SHISA9: variants seen among roughly 807,000 people sequenced by gnomAD.
SHISA9 encodes protein shisa-9.
In SHISA9, 13 loss-of-function variants were observed where a neutral mutation model predicts 38.0. The ratio of observed to expected loss-of-function variants is 0.34; its 90% CI spans 0.22 to 0.54. The LOEUF is 0.54. Among genes scored for constraint, SHISA9 ranks in the 20% least tolerant of loss-of-function variants. The pLI is 0.91. For missense variants in SHISA9, 538 were observed against 575.8 expected, an observed-to-expected ratio of 0.93 and a Z score of 0.67; for synonymous variants, 275 against 242.0, an observed-to-expected ratio of 1.14 and a Z score of -1.27.
chr16:12,907,824 A>G (rs904977717), intron 1 of SHISA9, among the ~76,000 whole-genome samples: 3 of 152,168 alleles, frequency 2.0e-5, no homozygotes, highest in Non-Finnish European at 4.4e-5. Flanking sequence ...CTGCATTTTC[A>G]CGCAGCAGCT....
At chr16:13,138,673 G>C (rs146434763) in intron 2 of SHISA9, among the ~76,000 whole-genome samples, 1,902 of 152,314 alleles carry the variant, frequency 0.012, 23 homozygotes, top group South Asian at 0.024. Flanking sequence ...CTCACAAGGG[G>C]AGTCTTTGAG....
At chr16:13,104,440 AAC>A (rs933037289) in intron 2 of SHISA9, among the ~76,000 whole-genome samples, 3 of 152,218 alleles carry the variant, frequency 2.0e-5, no homozygotes, top group African/African-American at 7.2e-5. Flanking sequence ...CCAAAGTGGA[AAC>A]ACTCCAAATG....
chr16:13,254,663 C>A, the SHISA9 span, among the ~76,000 whole-genome samples: 1 of 152,250 alleles, frequency 6.6e-6, no homozygotes, highest in African/African-American at 2.4e-5. Flanking sequence ...CTAATCACCT[C>A]CCCCAGAACC....
intron 2 of SHISA9, among the ~76,000 whole-genome samples, chr16:13,126,729 AAG>A (rs1367778529): frequency 6.0e-5 from 8 of 134,112 alleles, no homozygotes; most frequent in East Asian, 2.5e-4. Flanking sequence ...GAGAGAAGGA[AAG>A]AGAGAGTGAC....
chr16:13,173,647 C>G (rs2050707907), intron 2 of SHISA9, among the ~76,000 whole-genome samples: 1 of 152,106 alleles, frequency 6.6e-6, no homozygotes, highest in South Asian at 2.1e-4. Flanking sequence ...CAGGGATGTG[C>G]TAAGCTCCTG....
chr16:13,179,098 C>T (rs2050756212), intron 2 of SHISA9, among the ~76,000 whole-genome samples: 1 of 152,092 alleles, frequency 6.6e-6, no homozygotes, highest in African/African-American at 2.4e-5. Flanking sequence ...ACGTGGGCAG[C>T]TGATTTGAGG....
chr16:13,232,856 A>G (rs2051345136), intron 4 of SHISA9, among the ~76,000 whole-genome samples: 1 of 152,218 alleles, frequency 6.6e-6, no homozygotes. Flanking sequence ...GGCAGCCCTT[A>G]GAGACAATAG....
rs181199994 is a variant in SHISA9 at position 13,003,178 on chromosome 16, G to C, written c.691+86363G>C. Among the ~76,000 whole-genome samples the C allele has an allele frequency of 3.9e-5, 6 of 152,298 alleles. No homozygotes were observed. In the East Asian group the frequency reaches 1.2e-3, roughly 29 times the overall value. The stretch of plus-strand genomic sequence containing the variant: ...AGGAGGATTGGTGCAAAATGATCTA[G>C]AGCAGTAGGCAAGGGTCAAACCCTG... On this transcript the variant is annotated intron_variant, in intron 2 of 4. Transcript: ENST00000558583.
chr16:13,302,549 T>C, the SHISA9 span, among the ~76,000 whole-genome samples: 1 of 152,184 alleles, frequency 6.6e-6, no homozygotes, highest in East Asian at 1.9e-4. Context: ...ACTCTCTCCA[T>C]GAACTAAACC....
At chr16:13,148,480 ACT>A (rs1224150929) in intron 2 of SHISA9, among the ~76,000 whole-genome samples, 3 of 151,664 alleles carry the variant, frequency 2.0e-5, no homozygotes, top group African/African-American at 7.3e-5. Flanking sequence ...TATACCTCAC[ACT>A]CACCTACCCA....
At chr16:13,428,295 G>A in the SHISA9 span, among the ~76,000 whole-genome samples, 2 of 151,008 alleles carry the variant, frequency 1.3e-5, no homozygotes, top group Admixed American at 1.3e-4. Context: ...AACAAAGAAA[G>A]AGAGAGAGAG....
Position 12,973,222 on chromosome 16 carries a change from A to G in SHISA9, c.691+56407A>G, listed in dbSNP as rs117941731. Among the ~76,000 whole-genome samples, 919 of 152,352 alleles carry G rather than the reference A, an allele frequency of 6.0e-3. 8 individuals carry two copies. The highest frequency in any genetic ancestry group is 0.034 in the Middle Eastern group (10 of 294). ...CTTTCCCTGAGGAGCCTGGCAGCTG[A>G]ATCCCATATTCACAGAAAGTTTTCC... On this transcript the variant is annotated intron_variant, in intron 2 of 4. Coordinates refer to ENST00000558583, the MANE Select transcript of SHISA9 (RefSeq NM_001145204.3).
At chr16:13,487,800 G>A in the SHISA9 span, among the ~76,000 whole-genome samples, 3 of 151,918 alleles carry the variant, frequency 2.0e-5, no homozygotes, top group African/African-American at 7.3e-5. Flanking sequence ...CCGGATATTT[G>A]CTACTGTGGT....
the SHISA9 span, among the ~76,000 whole-genome samples, chr16:13,250,376 G>A: frequency 1.1e-3 from 160 of 152,198 alleles, 2 homozygotes; most frequent in Non-Finnish European, 1.4e-3. Context: ...AATTGCATTG[G>A]GGGGAGAGGG....
chr16:12,977,464 G>C (rs2072178706), intron 2 of SHISA9, among the ~76,000 whole-genome samples: 1 of 152,062 alleles, frequency 6.6e-6, no homozygotes, highest in African/African-American at 2.4e-5. Context: ...TCCCATTACT[G>C]GGTATATACC....
chr16:12,972,694 A>C (rs2072100652), intron 2 of SHISA9, among the ~76,000 whole-genome samples: 1 of 152,218 alleles, frequency 6.6e-6, no homozygotes, highest in South Asian at 2.1e-4. Flanking sequence ...TAACTAATTC[A>C]GAGTTAAATT....
At chr16:13,287,406 C>T in the SHISA9 span, among the ~76,000 whole-genome samples, 1 of 152,162 alleles carries the variant, frequency 6.6e-6, no homozygotes, top group Non-Finnish European at 1.5e-5. Context: ...AATGATAATA[C>T]TCTCCCAGAT....
chr16:13,495,629 C>T, the SHISA9 span, among the ~76,000 whole-genome samples: 1 of 151,624 alleles, frequency 6.6e-6, no homozygotes, highest in Non-Finnish European at 1.5e-5. Flanking sequence ...CTGAAAAGAA[C>T]TTATCATTTC....
At chr16:13,228,832 G>A (rs941763875) in intron 4 of SHISA9, among the ~76,000 whole-genome samples, 2 of 151,998 alleles carry the variant, frequency 1.3e-5, no homozygotes, top group African/African-American at 4.8e-5. Flanking sequence ...TATTTTTCCT[G>A]ATCCTCTCCC....
Sources: gnomAD v4.1 joint callset for allele counts (sites outside exome capture counted in the v4.1 genomes callset) on GRCh38, gnomAD v4.1.1 for gene constraint, MANE v1.5 for transcripts, NCBI Gene and HGNC (gene_info 2026-07-23, HGNC 2026-07-21) for gene names.